Variants in PACSIN2 observed in about 807,000 individuals in gnomAD.
PACSIN2 encodes the protein protein kinase C and casein kinase substrate in neurons protein 2.
Under a neutral mutation model 63.8 loss-of-function variants are expected in PACSIN2, and 25 were observed. That is an observed-to-expected ratio of 0.39 (90% CI 0.29 to 0.55). The LOEUF (loss-of-function observed/expected upper bound fraction) is 0.55. Ranked by LOEUF, PACSIN2 falls within the 20% of genes least tolerant of loss-of-function variation. The probability of loss-of-function intolerance (pLI) is 0.62; values close to 1 mark genes in which losing one functional copy is unlikely to be tolerated. For synonymous variants in PACSIN2, 255 were observed against 256.2 expected (o/e 1.00, Z 0.05); for missense variants, 518 against 646.9 (o/e 0.80, Z 2.16).
chr22:42,975,707 C>A (rs1921657199), intron 1 of PACSIN2, among the ~76,000 whole-genome samples: 2 of 149,342 alleles, frequency 1.3e-5, no homozygotes, highest in Middle Eastern at 3.6e-3. Flanking sequence ...AATGCCTTTA[C>A]CCCCTGGCAG....
At chr22:42,882,110 G>A (rs944140027) in intron 7 of PACSIN2, 74 bp downstream of exon 7, 1 of 1,523,560 alleles carries the variant, frequency 6.6e-7, no homozygotes, top group Non-Finnish European at 9.1e-7. Flanking sequence ...GAATGAGAAA[G>A]ACATCATCTA....
intron 9 of PACSIN2, 116 bp downstream of exon 9, chr22:42,876,772 C>T (rs1233887856): frequency 1.0e-5 from 14 of 1,400,284 alleles, no homozygotes; most frequent in Non-Finnish European, 1.3e-5. Context: ...CAGGTGCCCA[C>T]TTCCTGCAGA....
At chr22:42,971,682 C>T (rs916912021) in intron 1 of PACSIN2, among the ~76,000 whole-genome samples, 1 of 151,854 alleles carries the variant, frequency 6.6e-6, no homozygotes, top group African/African-American at 2.4e-5. Context: ...AAGTGAGGAG[C>T]CCCTCCGCCG....
intron 1 of PACSIN2, among the ~76,000 whole-genome samples, chr22:42,939,888 G>A (rs1433438661): frequency 6.6e-6 from 1 of 152,220 alleles, no homozygotes; most frequent in African/African-American, 2.4e-5. Context: ...CCAGGAACAG[G>A]AGATGGCAGC....
chr22:42,908,326 A>G (rs1051876523), intron 2 of PACSIN2, among the ~76,000 whole-genome samples: 5 of 152,158 alleles, frequency 3.3e-5, no homozygotes, highest in African/African-American at 1.2e-4. Flanking sequence ...AGCGGCTCTC[A>G]GCCCTGCTAG....
Position 42,884,559 on chromosome 22 carries a change from G to A in PACSIN2, c.612C>T (p.Thr204=), listed in dbSNP as rs781763572. ...TCAGGGACTTCTCATACTTCTCTTT[G>A]GTCTAAAGGAAAATCCAGGCACAAG... The part of the protein sequence containing the change: ...IEKCKQDVLK[T]KEKYEKSLKE... The change falls in exon 6 of 11, where the codon ACC becomes ACT. Residue 204 remains threonine, a splice_region_variant and synonymous_variant. Transcript: ENST00000263246. 3 of 1,612,136 alleles carry A rather than the reference G, an allele frequency of 1.9e-6. No homozygotes were observed. Among genetic ancestry groups the A allele is most frequent in the African/African-American group, 2.7e-5 (2 of 74,804 alleles).
intron 1 of PACSIN2, among the ~76,000 whole-genome samples, chr22:42,959,035 C>T (rs1472778385): frequency 6.6e-6 from 1 of 152,026 alleles, no homozygotes; most frequent in Non-Finnish European, 1.5e-5. Context: ...TGTTACCCGA[C>T]AAAAATATAA....
At chr22:42,966,111 C>T (rs892732395) in intron 1 of PACSIN2, among the ~76,000 whole-genome samples, 8 of 152,190 alleles carry the variant, frequency 5.3e-5, no homozygotes, top group African/African-American at 1.7e-4. Flanking sequence ...GTGGCTCACG[C>T]CTGTAATCCC....
chr22:42,931,125 G>A (rs1318216189), intron 1 of PACSIN2, among the ~76,000 whole-genome samples: 1 of 152,222 alleles, frequency 6.6e-6, no homozygotes, highest in Admixed American at 6.5e-5. Flanking sequence ...AGGTGTTGAG[G>A]GAGGCAGACA....
At chr22:42,948,680 G>A (rs1933541456) in intron 1 of PACSIN2, among the ~76,000 whole-genome samples, 1 of 151,932 alleles carries the variant, frequency 6.6e-6, no homozygotes, top group Non-Finnish European at 1.5e-5. Context: ...AACCATGAGA[G>A]GATTTGGTTT....
intron 1 of PACSIN2, among the ~76,000 whole-genome samples, chr22:42,972,032 G>T (rs1921355284): frequency 6.6e-6 from 1 of 152,198 alleles, no homozygotes; most frequent in Non-Finnish European, 1.5e-5. Context: ...ATTGAGAACG[G>T]GCCATGATGA....
intron 1 of PACSIN2, among the ~76,000 whole-genome samples, chr22:42,998,319 G>C (rs187893381): frequency 6.6e-6 from 1 of 152,276 alleles, no homozygotes; most frequent in African/African-American, 2.4e-5. Flanking sequence ...GTCTGAACCT[G>C]GTTTGGATTC....
At chr22:43,005,254 T>C (rs1010265224) in intron 1 of PACSIN2, among the ~76,000 whole-genome samples, 3 of 152,204 alleles carry the variant, frequency 2.0e-5, no homozygotes, top group African/African-American at 7.2e-5. Flanking sequence ...CAGTACTCCC[T>C]TCCAATCCTG....
At chr22:42,967,078 A>G (rs1236923374) in intron 1 of PACSIN2, among the ~76,000 whole-genome samples, 1 of 151,470 alleles carries the variant, frequency 6.6e-6, no homozygotes, top group African/African-American at 2.4e-5. Context: ...ACGAGTACCC[A>G]GAGGACCATG....
At position 42,888,710 on chromosome 22, in the gene PACSIN2, G is replaced by C; in HGVS notation, c.542C>G (p.Ser181Cys). The C allele has an allele frequency of 6.2e-7, 1 of 1,614,166 alleles. No homozygotes were observed. Among genetic ancestry groups the C allele is most frequent in the Non-Finnish European group, 8.5e-7 (1 of 1,179,994 alleles). ...TTTCTTGAGCTGTTCAGGGTTGAGGGATGGGTCTGCCTTGCTGTTGGCTTC... is the reference window on the plus strand; with the variant it reads ...TTTCTTGAGCTGTTCAGGGTTGAGGCATGGGTCTGCCTTGCTGTTGGCTTC... ...SREANSKADP[S>C]LNPEQLKKLQ... is the part of the protein sequence containing the mutation. Residue 181 changes from serine to cysteine, a missense_variant, in exon 5 of 11, where the codon TCC becomes TGC. This residue lies in a region of PACSIN2 where 507 missense variants were observed against 612.3 expected (regional missense o/e 0.83). Coordinates refer to ENST00000263246, the MANE Select transcript of PACSIN2 (RefSeq NM_001184970.3).
At chr22:42,962,075 G>C (rs1355531254) in intron 1 of PACSIN2, among the ~76,000 whole-genome samples, 1 of 151,970 alleles carries the variant, frequency 6.6e-6, no homozygotes, top group African/African-American at 2.4e-5. Flanking sequence ...CTGAGTTCTG[G>C]GGAAGCAAGT....
In PACSIN2 at chr22:43,010,385, C is replaced by CATATATATATAT. The variant is rs1253098949; in HGVS notation, c.-78+4624_-78+4635dup. Among the ~76,000 whole-genome samples the CATATATATATAT allele has an allele frequency of 7.7e-3, 508 of 66,106 alleles. 19 individuals are homozygous for CATATATATATAT. The highest frequency in any genetic ancestry group is 0.028 in the African/African-American group (479 of 17,186). The allele number at this position is 66,106 out of a possible 152,430, so 43.4% of individuals were successfully genotyped here. Reference sequence around the variant, plus strand: ...GGAATCCCATCTCTGTTTAAAAATACATATATATATATATTTTTTTTTAAT... The same window carrying CATATATATATAT: ...GGAATCCCATCTCTGTTTAAAAATACATATATATATATATATATATATATATTTTTTTTTAAT... On this transcript the variant is annotated intron_variant, in intron 1 of 10. Transcript: ENST00000263246.
chr22:42,964,103 G>T (rs1457178617), intron 1 of PACSIN2, among the ~76,000 whole-genome samples: 1 of 152,114 alleles, frequency 6.6e-6, no homozygotes, highest in Non-Finnish European at 1.5e-5. Context: ...TCCCCAGCCC[G>T]CGGCAGTCAT....
intron 1 of PACSIN2, among the ~76,000 whole-genome samples, chr22:42,969,555 G>C (rs1435520985): frequency 9.2e-5 from 14 of 152,086 alleles, no homozygotes; most frequent in East Asian, 1.9e-4. Context: ...GATGACCATT[G>C]TAACACCGGC....
Sources: gnomAD v4.1 joint callset for allele counts (sites outside exome capture counted in the v4.1 genomes callset) on GRCh38, gnomAD v4.1.1 for gene constraint, gnomAD v4.1.1 regional missense constraint, MANE v1.5 for transcripts, NCBI Gene and HGNC (gene_info 2026-07-23, HGNC 2026-07-21) for gene names.